Variants in KCNH5 observed in about 807,000 individuals in gnomAD.
KCNH5 encodes the protein potassium voltage-gated channel subfamily H member 5.
Under a neutral mutation model 96.1 loss-of-function variants are expected in KCNH5, and 46 were observed. The ratio of observed to expected loss-of-function variants is 0.48; its 90% confidence interval spans 0.38 to 0.61. The LOEUF (loss-of-function observed/expected upper bound fraction) is 0.61, where lower values mean the gene tolerates loss of function less well. Among genes scored for constraint, KCNH5 ranks in the 20% least tolerant of loss-of-function variants. The pLI is 0.00. For synonymous variants in KCNH5, 439 were observed against 449.8 expected (o/e 0.98, Z 0.30); for missense variants, 907 against 1,225.8 (o/e 0.74, Z 3.88).
intron 6 of KCNH5, among the ~76,000 whole-genome samples, chr14:62,954,869 T>A (rs59552313): frequency 0.085 from 12,892 of 152,092 alleles, 1,877 homozygotes; most frequent in African/African-American, 0.29. Context: ...AACTCCTTAT[T>A]AAACCAGCAG....
intron 10 of KCNH5, 112 bp downstream of exon 10, chr14:62,779,616 G>A: frequency 3.7e-6 from 3 of 803,504 alleles, no homozygotes; most frequent in Non-Finnish European, 5.5e-6. Context: ...ACTTTACATT[G>A]ATGGGAATTT....
intron 10 of KCNH5, among the ~76,000 whole-genome samples, chr14:62,775,318 A>G (rs1483578211): frequency 6.6e-6 from 1 of 152,216 alleles, no homozygotes; most frequent in Non-Finnish European, 1.5e-5. Flanking sequence ...AACTGATTCC[A>G]TTTAGATCAT....
At chr14:62,831,587 T>C (rs1887350826) in intron 8 of KCNH5, among the ~76,000 whole-genome samples, 1 of 152,234 alleles carries the variant, frequency 6.6e-6, no homozygotes, top group African/African-American at 2.4e-5. Flanking sequence ...TTCTTACTGA[T>C]TTTCAAGAAT....
intron 6 of KCNH5, among the ~76,000 whole-genome samples, chr14:62,951,450 T>C (rs1890003405): frequency 6.6e-6 from 1 of 152,184 alleles, no homozygotes; most frequent in Non-Finnish European, 1.5e-5. Context: ...AATGGAGCAG[T>C]GATCCAGGAA....
chr14:62,877,909 G>A (rs1395322142), intron 7 of KCNH5, among the ~76,000 whole-genome samples: 47 of 149,322 alleles, frequency 3.1e-4, no homozygotes, highest in African/African-American at 1.1e-3. Context: ...TGTTTATTGC[G>A]GCACTATTCA....
chr14:62,765,035 T>C (rs1463203381), intron 10 of KCNH5, among the ~76,000 whole-genome samples: 6 of 152,144 alleles, frequency 3.9e-5, no homozygotes, highest in African/African-American at 1.4e-4. Context: ...AAAATTTATA[T>C]GGAACCAAAA....
intron 9 of KCNH5, among the ~76,000 whole-genome samples, chr14:62,791,809 G>C (rs1886441169): frequency 6.6e-6 from 1 of 151,602 alleles, no homozygotes; most frequent in South Asian, 2.1e-4. Flanking sequence ...AAAATGCATA[G>C]AGATGCAATA....
In KCNH5 at chr14:63,003,454, ATATATATTT is replaced by A. The variant is rs1566536611; in HGVS notation, c.305-2004_305-1996del. On this transcript the variant is annotated intron_variant, in intron 3 of 10. Transcript: ENST00000322893. ...AGAAAGAGCCATATATATATATTAT[ATATATATTT>A]TATATATATTATATATATTTTATAT... is the stretch of plus-strand genomic sequence containing the variant. 9.0e-5 allele frequency among the ~76,000 whole-genome samples: 12 copies of A among 134,006 alleles called. No homozygotes were observed. The East Asian group carries it at 2.2e-3, about 25-fold the overall frequency. The allele number at this position is 134,006 out of a possible 152,430, so 87.9% of individuals were successfully genotyped here. A position where few individuals can be genotyped will look rare whatever the true frequency, so the allele number is the denominator to read the frequency against.
chr14:62,967,659 T>C (rs138385386), intron 6 of KCNH5, among the ~76,000 whole-genome samples: 18 of 152,194 alleles, frequency 1.2e-4, no homozygotes, highest in Admixed American at 1.1e-3. Flanking sequence ...CTAAATGAAG[T>C]AGGGATGAAC....
At chr14:62,769,161 C>T (rs1349914488) in intron 10 of KCNH5, among the ~76,000 whole-genome samples, 1 of 152,256 alleles carries the variant, frequency 6.6e-6, no homozygotes, top group Non-Finnish European at 1.5e-5. Context: ...CCTTACCTCC[C>T]TTAACTCACT....
chr14:63,007,021 T>A (rs1251319164), intron 2 of KCNH5, among the ~76,000 whole-genome samples: 1 of 151,920 alleles, frequency 6.6e-6, no homozygotes, highest in Non-Finnish European at 1.5e-5. Flanking sequence ...AAATGAAAAA[T>A]AATAATGTTG....
chr14:62,829,112 G>C (rs1887287827), intron 8 of KCNH5, among the ~76,000 whole-genome samples: 1 of 152,176 alleles, frequency 6.6e-6, no homozygotes, highest in Non-Finnish European at 1.5e-5. Context: ...GCATACTGAT[G>C]AAAAGTGTGG....
chr14:62,767,460 G>A (rs1885884618), intron 10 of KCNH5, among the ~76,000 whole-genome samples: 1 of 150,034 alleles, frequency 6.7e-6, no homozygotes, highest in Non-Finnish European at 1.5e-5. Flanking sequence ...AAGGAAAATG[G>A]GGTATATATA....
intron 8 of KCNH5, among the ~76,000 whole-genome samples, chr14:62,841,319 G>A (rs1225400507): frequency 6.6e-6 from 1 of 152,050 alleles, no homozygotes; most frequent in Non-Finnish European, 1.5e-5. Flanking sequence ...AAGCATTATG[G>A]TCTCATTTAA....
chr14:62,828,628 T>G (rs1033756379), intron 8 of KCNH5, among the ~76,000 whole-genome samples: 2 of 152,146 alleles, frequency 1.3e-5, no homozygotes, highest in Non-Finnish European at 2.9e-5. Context: ...GAGAACAGCA[T>G]GGAGGAAACT....
chr14:62,782,486 C>T (rs761915290), intron 9 of KCNH5, among the ~76,000 whole-genome samples: 1 of 152,190 alleles, frequency 6.6e-6, no homozygotes, highest in South Asian at 2.1e-4. Flanking sequence ...ACCTAATAAC[C>T]ATTTATTTGG....
At chr14:62,927,308 C>A (rs1889494978) in intron 7 of KCNH5, among the ~76,000 whole-genome samples, 1 of 152,098 alleles carries the variant, frequency 6.6e-6, no homozygotes, top group Admixed American at 6.6e-5. Context: ...ATGGTACAAG[C>A]ACTGTGGAAC....
chr14:62,749,547 T>C (rs1885451177), intron 10 of KCNH5, among the ~76,000 whole-genome samples: 1 of 151,964 alleles, frequency 6.6e-6, no homozygotes, highest in South Asian at 2.1e-4. Flanking sequence ...GGGAAGGGAG[T>C]CTTTGATTTC....
In KCNH5 at chr14:62,743,568, G is replaced by T. The variant is rs113168364; in HGVS notation, c.2020-35113C>A. 5.2e-4 allele frequency among the ~76,000 whole-genome samples: 79 copies of T among 152,228 alleles called. 3 individuals are homozygous for T. Among genetic ancestry groups the T allele is most frequent in the African/African-American group, 1.9e-3 (77 of 41,546 alleles). ...AACAACAGAACTGAAAAGAAATTAA[G>T]ATCTTTAAAAAATCTAATACGGGAA... On this transcript the variant is annotated intron_variant, in intron 10 of 10. Transcript: ENST00000322893.
Sources: allele counts gnomAD v4.1 joint callset (sites outside exome capture counted in the v4.1 genomes callset), GRCh38; gene constraint gnomAD v4.1.1; transcripts MANE v1.5; gene names NCBI Gene and HGNC (gene_info 2026-07-23, HGNC 2026-07-21).